ARB2A: variants seen among roughly 807,000 people sequenced by gnomAD.
ARB2A encodes ARB2 cotranscriptional regulator A, also known as cotranscriptional regulator ARB2A.
the ARB2A span, among the ~76,000 whole-genome samples, chr5:94,008,612 GA>G: frequency 2.0e-5 from 3 of 151,576 alleles, no homozygotes; most frequent in Non-Finnish European, 2.9e-5. Context: ...TTCTATCACA[GA>G]AAAAAAAGTT....
chr5:93,823,482 CAGTT>C, the ARB2A span, among the ~76,000 whole-genome samples: 1 of 152,092 alleles, frequency 6.6e-6, no homozygotes, highest in African/African-American at 2.4e-5. Flanking sequence ...AAGTACAAGT[CAGTT>C]AAAGACTATC....
chr5:93,890,565 G>A, the ARB2A span, among the ~76,000 whole-genome samples: 12 of 151,970 alleles, frequency 7.9e-5, 1 homozygote, highest in African/African-American at 2.9e-4. Context: ...AAAGCTGTAT[G>A]CCCATCTCAG....
At chr5:93,621,308 C>A in the ARB2A span, among the ~76,000 whole-genome samples, 9 of 151,868 alleles carry the variant, frequency 5.9e-5, no homozygotes, top group African/African-American at 2.2e-4. Context: ...CCCCCGCCCC[C>A]TCGCGGGCGC....
At chr5:93,955,878 A>G in the ARB2A span, among the ~76,000 whole-genome samples, 1 of 152,194 alleles carries the variant, frequency 6.6e-6, no homozygotes, top group East Asian at 1.9e-4. Context: ...GCATGAATAG[A>G]GTTTCCTGCT....
chr5:94,040,889 G>T, the ARB2A span, among the ~76,000 whole-genome samples: 1 of 152,090 alleles, frequency 6.6e-6, no homozygotes, highest in South Asian at 2.1e-4. Flanking sequence ...AGGAGCTAAT[G>T]TCTATGTTTC....
At chr5:94,106,439 C>G in the ARB2A span, among the ~76,000 whole-genome samples, 359 of 152,190 alleles carry the variant, frequency 2.4e-3, no homozygotes, top group African/African-American at 8.3e-3. Flanking sequence ...CATCTCACAA[C>G]AGTTGGAAGG....
the ARB2A span, among the ~76,000 whole-genome samples, chr5:93,980,494 A>G: frequency 6.6e-6 from 1 of 152,160 alleles, no homozygotes; most frequent in Non-Finnish European, 1.5e-5. Flanking sequence ...TACCAATTCA[A>G]GACAATTCAC....
chr5:93,882,818 A>G, the ARB2A span, among the ~76,000 whole-genome samples: 2 of 151,534 alleles, frequency 1.3e-5, no homozygotes, highest in African/African-American at 2.4e-5. Flanking sequence ...CACAAAATCT[A>G]TTTATTAGAA....
chr5:93,812,046 T>A, the ARB2A span, among the ~76,000 whole-genome samples: 1 of 152,140 alleles, frequency 6.6e-6, no homozygotes, highest in Non-Finnish European at 1.5e-5. Flanking sequence ...TATGAAGGTA[T>A]CTGTTCTGAG....
chr5:93,752,100 G>C, the ARB2A span, among the ~76,000 whole-genome samples: 1 of 152,148 alleles, frequency 6.6e-6, no homozygotes, highest in East Asian at 1.9e-4. Context: ...AAGAGACCCA[G>C]AGTCAATAAA....
At chr5:94,019,744 C>T in the ARB2A span, among the ~76,000 whole-genome samples, 2 of 152,136 alleles carry the variant, frequency 1.3e-5, no homozygotes, top group South Asian at 2.1e-4. Flanking sequence ...GGATCTAGAA[C>T]CAGAAATACC....
the ARB2A span, among the ~76,000 whole-genome samples, chr5:93,829,054 G>A: frequency 6.6e-6 from 1 of 152,158 alleles, no homozygotes; most frequent in African/African-American, 2.4e-5. Flanking sequence ...TGGGATTACA[G>A]GCATGAGCCA....
chr5:93,986,534 T>C, the ARB2A span, among the ~76,000 whole-genome samples: 120 of 152,314 alleles, frequency 7.9e-4, no homozygotes, highest in African/African-American at 2.7e-3. Flanking sequence ...CAACAGCTCA[T>C]TGAGAACGGG....
At chr5:94,082,781 T>TTA in the ARB2A span, among the ~76,000 whole-genome samples, 1 of 152,124 alleles carries the variant, frequency 6.6e-6, no homozygotes, top group African/African-American at 2.4e-5. Context: ...TATATTTAAA[T>TTA]AATCCTCACA....
the ARB2A span, among the ~76,000 whole-genome samples, chr5:93,706,588 CCGGG>C: frequency 6.6e-6 from 1 of 152,114 alleles, no homozygotes; most frequent in South Asian, 2.1e-4. Context: ...GGCCAGGAGG[CCGGG>C]CACGGTGGCT....
At chr5:93,916,683 CA>C in the ARB2A span, among the ~76,000 whole-genome samples, 1 of 152,084 alleles carries the variant, frequency 6.6e-6, no homozygotes, top group Non-Finnish European at 1.5e-5. Context: ...CCCCTTCCCT[CA>C]GAACCCCCTA....
chr5:94,055,978 T>G, the ARB2A span: 2 of 828,364 alleles, frequency 2.4e-6, no homozygotes, highest in Non-Finnish European at 2.9e-6. Flanking sequence ...CTTCATTTGA[T>G]CATCACAATC....
chr5:93,621,382 A>G, the ARB2A span, among the ~76,000 whole-genome samples: 1 of 152,072 alleles, frequency 6.6e-6, no homozygotes, highest in African/African-American at 2.4e-5. Flanking sequence ...GCTCAGAGGA[A>G]CTCAGACTTC....
the ARB2A span, among the ~76,000 whole-genome samples, chr5:93,801,729 A>G: frequency 6.6e-6 from 1 of 152,074 alleles, no homozygotes; most frequent in Non-Finnish European, 1.5e-5. Context: ...CAGGCAGCTC[A>G]GAAAAAAAAT....
Sources: gnomAD v4.1 joint callset for allele counts (sites outside exome capture counted in the v4.1 genomes callset) on GRCh38, gnomAD v4.1.1 for gene constraint, MANE v1.5 for transcripts, NCBI Gene and HGNC (gene_info 2026-07-23, HGNC 2026-07-21) for gene names.